Variants in RIMS1 observed in about 807,000 individuals in gnomAD.
RIMS1 encodes regulating synaptic membrane exocytosis 1, also known as regulating synaptic membrane exocytosis protein 1.
A neutral mutation model predicts 214.1 loss-of-function variants in RIMS1; 83 were observed. The ratio of observed to expected loss-of-function variants is 0.39; its 90% CI spans 0.32 to 0.47. The LOEUF (loss-of-function observed/expected upper bound fraction) is 0.47. Ranked by LOEUF, RIMS1 falls within the 20% of genes least tolerant of loss-of-function variation. The pLI is 0.99. For missense variants in RIMS1, 2,050 were observed against 2,161.8 expected (o/e 0.95, Z 1.03); for synonymous variants, 793 against 786.8 (o/e 1.01, Z -0.13).
At chr6:72,203,647 G>A (rs1410703110) in intron 6 of RIMS1, among the ~76,000 whole-genome samples, 2 of 152,166 alleles carry the variant, frequency 1.3e-5, no homozygotes, top group Non-Finnish European at 1.5e-5. Flanking sequence ...ATTATCTGAG[G>A]AGCATTTAAA....
At chr6:71,969,095 A>G in intron 2 of RIMS1, 32 bp downstream of exon 2, 1 of 1,590,976 alleles carries the variant, frequency 6.3e-7, no homozygotes. Context: ...TTGACTGAAA[A>G]TGTCGTCTCT....
chr6:72,096,713 T>C (rs553083814), intron 2 of RIMS1, among the ~76,000 whole-genome samples: 9 of 152,356 alleles, frequency 5.9e-5, no homozygotes, highest in African/African-American at 2.2e-4. Context: ...ACAGGGCTTA[T>C]GTAGCTTCTA....
intron 27 of RIMS1, 62 bp from the exon 28 acceptor site, chr6:72,313,444 C>T: frequency 1.3e-6 from 2 of 1,481,998 alleles, no homozygotes; most frequent in Non-Finnish European, 1.9e-6. Context: ...ATTCATCTCA[C>T]CATCTATGTT....
At chr6:72,323,846 G>C (rs1363134878) in intron 28 of RIMS1, among the ~76,000 whole-genome samples, 1 of 151,790 alleles carries the variant, frequency 6.6e-6, no homozygotes, top group African/African-American at 2.4e-5. Context: ...AATATCTTTG[G>C]AGAAGCAAAG....
At chr6:72,251,475 A>G in intron 15 of RIMS1, 107 bp downstream of exon 15, 5 of 911,620 alleles carry the variant, frequency 5.5e-6, no homozygotes, top group Non-Finnish European at 7.9e-6. Context: ...AGAGATCAAA[A>G]TACTGGAAAA....
chr6:72,132,295 A>G (rs1208182500), intron 4 of RIMS1, among the ~76,000 whole-genome samples: 2 of 152,194 alleles, frequency 1.3e-5, no homozygotes, highest in African/African-American at 4.8e-5. Flanking sequence ...AAATTATAAA[A>G]GTATTAATTT....
At chr6:72,266,216 G>A (rs987105233) in intron 22 of RIMS1, 167 bp downstream of exon 22, 52 of 661,114 alleles carry the variant, frequency 7.9e-5, no homozygotes, top group Admixed American at 2.2e-4. Context: ...AGAGATATGC[G>A]TATGTGGATA....
At chr6:72,259,285 T>G (rs2154156257) in intron 18 of RIMS1, among the ~76,000 whole-genome samples, 174 bp downstream of exon 18, 1 of 152,316 alleles carries the variant, frequency 6.6e-6, no homozygotes, top group African/African-American at 2.4e-5. Context: ...AGGAAATATT[T>G]GGCTAATATT....
In RIMS1 at chr6:72,259,039, A is replaced by G. The variant is rs756898915; in HGVS notation, c.2981A>G (p.His994Arg). The change falls in exon 18 of 34, where the codon CAT (histidine) becomes CGT (arginine). Residue 994 changes from histidine to arginine, a missense_variant. Coordinates refer to ENST00000521978, the MANE Select transcript of RIMS1 (RefSeq NM_014989.7). ...AGGTCACGTTCTCCAACCAGACACC[A>G]TGATGCCTCCCGAAGTCCAGTTGAT... is the stretch of plus-strand genomic sequence containing the variant. ...TRRSRSPTRHHDASRSPVDHR... is the reference protein window; with the variant it reads ...TRRSRSPTRHRDASRSPVDHR... 1.9e-6 allele frequency: 3 copies of G among 1,612,318 alleles called. No homozygotes were observed. The highest frequency in any genetic ancestry group is 3.3e-5 in the Admixed American group (2 of 59,970).
At chr6:72,178,004 T>G (rs1317565892) in intron 4 of RIMS1, among the ~76,000 whole-genome samples, 2 of 152,242 alleles carry the variant, frequency 1.3e-5, no homozygotes, top group Non-Finnish European at 2.9e-5. Context: ...CAATGAATTG[T>G]TCATCTTGTT....
At chr6:71,914,753 G>T (rs1777843853) in intron 1 of RIMS1, among the ~76,000 whole-genome samples, 1 of 152,098 alleles carries the variant, frequency 6.6e-6, no homozygotes, top group South Asian at 2.1e-4. Flanking sequence ...AATTTTATTT[G>T]TTCTTTACAG....
intron 19 of RIMS1, chr6:72,264,130 T>C (rs2079334281): frequency 2.2e-6 from 1 of 464,656 alleles, no homozygotes; most frequent in Middle Eastern, 1.1e-3. Flanking sequence ...CTTTGATAAA[T>C]GTTTATTCCC....
At chr6:72,275,791 C>A (rs1412917591) in intron 23 of RIMS1, among the ~76,000 whole-genome samples, 2 of 152,136 alleles carry the variant, frequency 1.3e-5, no homozygotes, top group South Asian at 2.1e-4. Flanking sequence ...TATTGCTACT[C>A]ATTTATTCAA....
At chr6:72,251,188 G>T in intron 14 of RIMS1, 27 bp from the exon 15 acceptor site, 2 of 1,579,074 alleles carry the variant, frequency 1.3e-6, no homozygotes, top group Non-Finnish European at 1.7e-6. Context: ...AAAGGTACTT[G>T]ATTTAATTTG....
At chr6:72,263,985 C>A in intron 19 of RIMS1, 2 of 599,706 alleles carry the variant, frequency 3.3e-6, no homozygotes, top group Non-Finnish European at 4.2e-6. Context: ...AAGAGTGAGA[C>A]TCTGTCTCAA....
chr6:72,206,896 G>A (rs1360463059), intron 6 of RIMS1, among the ~76,000 whole-genome samples: 2 of 152,114 alleles, frequency 1.3e-5, no homozygotes, highest in Non-Finnish European at 2.9e-5. Flanking sequence ...TCACCACTTT[G>A]CATTTTAAAG....
chr6:72,236,932 C>T (rs1562910516), intron 8 of RIMS1, among the ~76,000 whole-genome samples: 1 of 152,164 alleles, frequency 6.6e-6, no homozygotes, highest in Non-Finnish European at 1.5e-5. Flanking sequence ...GGTGCAGTGG[C>T]TCATGCCTTT....
chr6:72,167,251 C>T (rs2463746), intron 4 of RIMS1, among the ~76,000 whole-genome samples: 4 of 151,498 alleles, frequency 2.6e-5, no homozygotes, highest in Admixed American at 2.6e-4. Flanking sequence ...ATATATATTT[C>T]CATTGCTAGG....
At chr6:72,026,808 T>G (rs1304696891) in intron 2 of RIMS1, among the ~76,000 whole-genome samples, 1 of 152,166 alleles carries the variant, frequency 6.6e-6, no homozygotes, top group Non-Finnish European at 1.5e-5. Flanking sequence ...TTTTATAAGT[T>G]CATTTCATAT....
Sources: gnomAD v4.1 joint callset for allele counts (sites outside exome capture counted in the v4.1 genomes callset) on GRCh38, gnomAD v4.1.1 for gene constraint, MANE v1.5 for transcripts, NCBI Gene and HGNC (gene_info 2026-07-23, HGNC 2026-07-21) for gene names.